Variants in CBX1 observed in about 807,000 individuals in gnomAD.
CBX1 encodes the protein chromobox protein homolog 1.
A neutral mutation model predicts 25.1 loss-of-function variants in CBX1; 10 were observed. The ratio of observed to expected loss-of-function variants is 0.40; its 90% CI spans 0.25 to 0.68. The LOEUF is 0.68. Ranked by LOEUF, CBX1 falls within the 30% of genes least tolerant of loss-of-function variation. The pLI is 0.40. For synonymous variants in CBX1, 63 were observed against 79.4 expected (o/e 0.79, Z 1.10); for missense variants, 106 against 218.5 (o/e 0.49, Z 3.25).
chr17:48,071,620 G>GGT (rs746873752), intron 4 of CBX1, 41 bp from the exon 5 acceptor site: 2 of 1,553,674 alleles, frequency 1.3e-6, no homozygotes, highest in Admixed American at 3.9e-5. Flanking sequence ...ACCAGGTGCT[G>GGT]GTGGTCTATC....
intron 1 of CBX1, chr17:48,088,908 G>A (rs182445672): frequency 1.3e-5 from 2 of 151,162 alleles, no homozygotes; most frequent in East Asian, 3.9e-4. Context: ...ATGCTGTTTT[G>A]ACATTGGCAG....
chr17:48,077,119 C>T (rs1276317769), intron 1 of CBX1, 78 bp from the exon 2 acceptor site: 1 of 1,149,006 alleles, frequency 8.7e-7, no homozygotes, highest in Admixed American at 2.4e-5. Flanking sequence ...GTAAGAAAAC[C>T]AGGGACATGA....
In CBX1 at chr17:48,101,405, C is replaced by G. The variant is rs2063409287; in HGVS notation, c.-175G>C. ...TGGCGTCCCTCACTGAAGCGGCGTA[C>G]CGCAGGCCCCGGCCAACGGCCCTCC... On this transcript the variant is annotated 5_prime_UTR_variant, in exon 1 of 5. Coordinates refer to ENST00000225603, the MANE Select transcript of CBX1 (RefSeq NM_001127228.2). 6.1e-6 allele frequency: 6 copies of G among 985,436 alleles called. No individual in the cohort carries two copies. Among genetic ancestry groups the G allele is most frequent in the African/African-American group, 1.7e-5 (1 of 57,248 alleles). 61.0% of individuals were successfully genotyped at this position (985,436 alleles called of 1,614,324 possible). A position where few individuals can be genotyped will look rare whatever the true frequency, so the allele number is the denominator to read the frequency against.
chr17:48,093,464 G>A (rs2063355586), intron 1 of CBX1, among the ~76,000 whole-genome samples: 1 of 152,144 alleles, frequency 6.6e-6, no homozygotes, highest in Admixed American at 6.6e-5. Context: ...ACTGGCGAGG[G>A]CATCAGTAAA....
chr17:48,090,419 G>A (rs1487594562), intron 1 of CBX1, among the ~76,000 whole-genome samples: 1 of 152,018 alleles, frequency 6.6e-6, no homozygotes, highest in East Asian at 1.9e-4. Flanking sequence ...AAAAATATGG[G>A]AATCAGCTCT....
At chr17:48,081,468 C>T (rs918573429) in intron 1 of CBX1, among the ~76,000 whole-genome samples, 2 of 152,132 alleles carry the variant, frequency 1.3e-5, no homozygotes, top group Non-Finnish European at 2.9e-5. Context: ...GACAGAGTTT[C>T]GCTCTTGTCG....
chr17:48,099,724 GGGGTTCTA>G (rs1382065707), intron 1 of CBX1, among the ~76,000 whole-genome samples: 1 of 152,166 alleles, frequency 6.6e-6, no homozygotes, highest in African/African-American at 2.4e-5. Flanking sequence ...CCCTGGGCTA[GGGGTTCTA>G]GTATATAACT....
chr17:48,082,046 T>G (rs2037743060), intron 1 of CBX1, among the ~76,000 whole-genome samples: 2 of 151,504 alleles, frequency 1.3e-5, no homozygotes, highest in Non-Finnish European at 2.9e-5. Context: ...AGCCCAGGAG[T>G]TTGAGACCAG....
intron 1 of CBX1, among the ~76,000 whole-genome samples, chr17:48,083,354 T>C (rs2037756846): frequency 6.7e-6 from 1 of 150,316 alleles, no homozygotes; most frequent in Non-Finnish European, 1.5e-5. Flanking sequence ...TTGTCAGGGG[T>C]ACCTAGTGGC....
chr17:48,096,153 A>G (rs532743587), intron 1 of CBX1, among the ~76,000 whole-genome samples: 1 of 152,346 alleles, frequency 6.6e-6, no homozygotes, highest in East Asian at 1.9e-4. Context: ...TGCTGGTATT[A>G]TAGGCGTGAG....
At chr17:48,076,764 C>A (rs1246117687) in intron 2 of CBX1, 101 bp downstream of exon 2, 13 of 1,021,176 alleles carry the variant, frequency 1.3e-5, no homozygotes, top group Middle Eastern at 3.3e-4. Context: ...AAGGTGGGGA[C>A]TGAGTCACAC....
chr17:48,084,202 C>CTTTTT (rs869263376), intron 1 of CBX1, among the ~76,000 whole-genome samples: 1 of 61,320 alleles, frequency 1.6e-5, no homozygotes, highest in African/African-American at 8.1e-5. Context: ...TCTTTCTTTC[C>CTTTTT]TTTTTTTTTT....
intron 1 of CBX1, among the ~76,000 whole-genome samples, chr17:48,089,308 A>C (rs1598312712): frequency 6.6e-6 from 1 of 150,826 alleles, no homozygotes; most frequent in South Asian, 2.1e-4. Flanking sequence ...TCACTGTGTT[A>C]GCCAGGATGG....
chr17:48,101,102 C>T, intron 1 of CBX1, 166 bp downstream of exon 1: 1 of 986,608 alleles, frequency 1.0e-6, no homozygotes. Context: ...GCCTCAGCGA[C>T]AGGCGAAGAG....
At chr17:48,074,968 G>A (rs762120620) in intron 4 of CBX1, 38 bp downstream of exon 4, 1 of 1,420,270 alleles carries the variant, frequency 7.0e-7, no homozygotes, top group South Asian at 1.2e-5. Flanking sequence ...AATGGGAGAA[G>A]AAAAAAAACA....
At chr17:48,077,070 AT>A in intron 1 of CBX1, 29 bp from the exon 2 acceptor site, 1 of 1,534,878 alleles carries the variant, frequency 6.5e-7, no homozygotes, top group Non-Finnish European at 8.8e-7. Context: ...TAAAAAGGGC[AT>A]TAGGGAGCAC....
At chr17:48,093,989 C>T (rs1465601385) in intron 1 of CBX1, among the ~76,000 whole-genome samples, 1 of 151,936 alleles carries the variant, frequency 6.6e-6, no homozygotes, top group Admixed American at 6.6e-5. Context: ...TGGCGCATGC[C>T]TGTAATCCCA....
chr17:48,075,194 A>AAT, intron 3 of CBX1, 94 bp from the exon 4 acceptor site: 1 of 811,780 alleles, frequency 1.2e-6, no homozygotes, highest in East Asian at 2.7e-5. Flanking sequence ...GTAATCACAA[A>AAT]CTCTTTTTTT....
At chr17:48,091,378 C>CT (rs995253792) in intron 1 of CBX1, among the ~76,000 whole-genome samples, 25 of 144,676 alleles carry the variant, frequency 1.7e-4, no homozygotes, top group South Asian at 6.6e-4. Flanking sequence ...GATCTTCTAG[C>CT]TTTTTTTTTT....
Sources: allele counts gnomAD v4.1 joint callset (sites outside exome capture counted in the v4.1 genomes callset), GRCh38; gene constraint gnomAD v4.1.1; transcripts MANE v1.5; gene names NCBI Gene and HGNC (gene_info 2026-07-23, HGNC 2026-07-21).